The following AKAP9 variants were observed in gnomAD, a reference collection of about 807,000 sequenced individuals.
AKAP9 encodes the protein A-kinase anchor protein 9.
AKAP9 carries 311 observed loss-of-function variants against 488.5 expected under a neutral mutation model. The ratio of observed to expected loss-of-function variants is 0.64; its 90% confidence interval spans 0.58 to 0.70. AKAP9 has a LOEUF of 0.70. Among genes scored for constraint, AKAP9 ranks in the 30% least tolerant of loss-of-function variants. The pLI is 0.00. For synonymous variants in AKAP9, 1,462 were observed against 1,483.5 expected (o/e 0.99, Z 0.33); for missense variants, 4,215 against 4,374.5 (o/e 0.96, Z 1.03).
chr7:92,075,172 T>A (rs1812376997), intron 28 of AKAP9, among the ~76,000 whole-genome samples: 1 of 152,150 alleles, frequency 6.6e-6, no homozygotes, highest in Admixed American at 6.5e-5. Flanking sequence ...CCAACTCTAC[T>A]GCTCTCGAGA....
intron 47 of AKAP9, among the ~76,000 whole-genome samples, chr7:92,107,078 A>C (rs1273187443): frequency 6.6e-6 from 1 of 152,240 alleles, no homozygotes; most frequent in Non-Finnish European, 1.5e-5. Flanking sequence ...AGATATCAGA[A>C]ATACTCATAT....
chr7:92,011,973 C>T (rs1446103749), intron 8 of AKAP9, among the ~76,000 whole-genome samples: 1 of 152,148 alleles, frequency 6.6e-6, no homozygotes, highest in Admixed American at 6.5e-5. Flanking sequence ...TGGTGGCATG[C>T]ACCAGTAGTC....
intron 23 of AKAP9, among the ~76,000 whole-genome samples, 162 bp downstream of exon 23, chr7:92,061,584 C>CTATATATATATATATATATATATATATA (rs71528033): frequency 3.9e-5 from 4 of 102,462 alleles, no homozygotes; most frequent in East Asian, 3.8e-4. Context: ...ATTTTTAAAA[C>CTATATATATATATATATATATATATATA]TATATATATA....
chr7:91,999,164 CCT>C (rs995877825), intron 7 of AKAP9, among the ~76,000 whole-genome samples: 9 of 151,976 alleles, frequency 5.9e-5, no homozygotes, highest in Non-Finnish European at 7.4e-5. Flanking sequence ...TTTTTTTTCC[CCT>C]GTCAACTGAG....
At chr7:91,991,305 TAA>T (rs11437285) in intron 3 of AKAP9, among the ~76,000 whole-genome samples, 1 of 151,708 alleles carries the variant, frequency 6.6e-6, no homozygotes, top group African/African-American at 2.4e-5. Context: ...ATCTTTTAAT[TAA>T]AAAAATTTTT....
chr7:91,977,043 G>A (rs1160811433), intron 2 of AKAP9, among the ~76,000 whole-genome samples: 2 of 152,016 alleles, frequency 1.3e-5, no homozygotes, highest in Admixed American at 1.3e-4. Context: ...GGGATTACTT[G>A]AGCCGAAGAG....
chr7:92,079,796 CTTGTCAGTCA>C lies in AKAP9; in HGVS notation c.7664_7673del (p.Leu2555GlnfsTer32). 1 of 1,614,018 alleles carries C rather than the reference CTTGTCAGTCA, an allele frequency of 6.2e-7. No homozygotes were observed. Among genetic ancestry groups the C allele is most frequent in the Non-Finnish European group, 8.5e-7 (1 of 1,179,976 alleles). Reference sequence around the variant, plus strand: ...AGTTGAAGAAAAAGTGGCTGCTGCTCTTGTCAGTCAAATCCAACTTGAGGCAGTTCAGGAA... The same window carrying C: ...AGTTGAAGAAAAAGTGGCTGCTGCTCAATCCAACTTGAGGCAGTTCAGGAA... On this transcript the variant is annotated frameshift_variant, in exon 31 of 50. Transcript: ENST00000356239. LOFTEE classifies it high-confidence loss of function.
At chr7:92,109,281 A>T (rs1819003981) in intron 49 of AKAP9, among the ~76,000 whole-genome samples, 1 of 152,224 alleles carries the variant, frequency 6.6e-6, no homozygotes, top group South Asian at 2.1e-4. Context: ...TGTTCATGGA[A>T]GGAAAACCTC....
chr7:91,976,802 C>T (rs1184831905), intron 2 of AKAP9, among the ~76,000 whole-genome samples: 10 of 152,042 alleles, frequency 6.6e-5, no homozygotes, highest in Admixed American at 1.3e-4. Flanking sequence ...CATTTATTTT[C>T]CTTTTCAATT....
At chr7:92,102,501 A>G (rs1472685641) in intron 45 of AKAP9, 93 bp from the exon 46 acceptor site, 2 of 946,684 alleles carry the variant, frequency 2.1e-6, no homozygotes, top group Non-Finnish European at 3.4e-6. Flanking sequence ...CACCACCACC[A>G]CCACTACTTG....
chr7:92,038,297 T>G, intron 16 of AKAP9, 122 bp from the exon 17 acceptor site: 3 of 665,796 alleles, frequency 4.5e-6, no homozygotes, highest in Non-Finnish European at 7.5e-6. Flanking sequence ...GGATTTCTTT[T>G]TGTTTAGAAC....
chr7:92,044,467 T>C lies in AKAP9; in HGVS notation c.5163-541T>C, dbSNP rs76013286. Among the ~76,000 whole-genome samples the C allele has an allele frequency of 2.9e-3, 436 of 152,352 alleles. 2 individuals carry two copies. Among genetic ancestry groups the C allele is most frequent in the African/African-American group, 9.9e-3 (411 of 41,590 alleles). On this transcript the variant is annotated intron_variant, in intron 20 of 49. Coordinates refer to ENST00000356239, the MANE Select transcript of AKAP9 (RefSeq NM_005751.5). ...ATCGCTGCCTAACTATTACTTTTTGTAATTTAAACATTCAGCTCATTACCA... is the reference window on the plus strand; with the variant it reads ...ATCGCTGCCTAACTATTACTTTTTGCAATTTAAACATTCAGCTCATTACCA...
rs141812702 is a variant in AKAP9, at chr7:92,019,730, G to A, written c.3838-2508G>A. On this transcript the variant is annotated intron_variant, in intron 12 of 49. Coordinates refer to ENST00000356239, the MANE Select transcript of AKAP9 (RefSeq NM_005751.5). ...GTGTTTAGAAGAGAAATGTAAGGCC[G>A]GGCATGGTGGCTCATACCTGCAATC... 5.3e-3 allele frequency among the ~76,000 whole-genome samples: 806 copies of A among 151,828 alleles called. 18 individuals are homozygous for A. The highest frequency in any genetic ancestry group is 6.7e-3 in the Non-Finnish European group (456 of 67,924).
chr7:92,094,926 A>G (rs1277421374), intron 39 of AKAP9, 97 bp from the exon 40 acceptor site: 2 of 1,036,384 alleles, frequency 1.9e-6, no homozygotes, highest in Admixed American at 2.0e-5. Flanking sequence ...CTAGTTTATT[A>G]TATGCCTCAA....
chr7:92,093,981 G>A (rs1816093784), intron 39 of AKAP9, among the ~76,000 whole-genome samples: 1 of 151,916 alleles, frequency 6.6e-6, no homozygotes, highest in African/African-American at 2.4e-5. Context: ...CTTCTGAGTA[G>A]CTGGGATTAT....
In AKAP9 at chr7:92,002,533, C is replaced by A; in HGVS notation, c.2616C>A (p.Leu872=). The A allele has an allele frequency of 6.2e-7, 1 of 1,609,950 alleles. No homozygotes were observed. Among genetic ancestry groups the A allele is most frequent in the South Asian group, 1.1e-5 (1 of 89,968 alleles). The change falls in exon 8 of 50, where the codon CTC becomes CTA. Residue 872 remains leucine (L), a synonymous_variant. Transcript: ENST00000356239. ...QELQEEYACL[L]KVKDDLEDSK... ...TACAAGAGGAGTATGCTTGCCTTCTCAAAGTAAAAGATGATTTAGAAGACA... is the reference window on the plus strand; with the variant it reads ...TACAAGAGGAGTATGCTTGCCTTCTAAAAGTAAAAGATGATTTAGAAGACA...
chr7:92,097,864 C>G, intron 42 of AKAP9, 70 bp downstream of exon 42: 2 of 1,471,408 alleles, frequency 1.4e-6, no homozygotes, highest in Non-Finnish European at 9.5e-7. Flanking sequence ...GCCTCTGGGA[C>G]AGCTAGCCAA....
At chr7:92,107,862 C>T (rs1818771477) in intron 48 of AKAP9, 1 of 162,520 alleles carries the variant, frequency 6.2e-6, no homozygotes, top group Admixed American at 5.9e-5. Flanking sequence ...AAAAAAAATA[C>T]AAAAAAATTA....
chr7:92,012,676 C>A lies in AKAP9; in HGVS notation c.3532+34C>A. 3 of 1,526,638 alleles carry A rather than the reference C, an allele frequency of 2.0e-6. No individual in the cohort carries two copies. The South Asian group carries it at 3.4e-5, about 17-fold the overall frequency. 94.6% of individuals were successfully genotyped at this position (1,526,638 alleles called of 1,614,324 possible). ...GTTTCTGACTTATAAGTACCATGAT[C>A]CAAATAAGTATTGGATAGAGCCCAC... is the stretch of plus-strand genomic sequence containing the variant. On this transcript the variant is annotated intron_variant, in intron 9 of 49. Transcript: ENST00000356239.
Sources: allele counts gnomAD v4.1 joint callset (sites outside exome capture counted in the v4.1 genomes callset), GRCh38; gene constraint gnomAD v4.1.1; transcripts MANE v1.5; gene names NCBI Gene and HGNC (gene_info 2026-07-23, HGNC 2026-07-21).